Variants in PCSK5 observed in about 807,000 individuals in gnomAD.
PCSK5 encodes the protein prohormone convertase 5.
PCSK5 carries 129 observed loss-of-function variants against 233.2 expected under a neutral mutation model. The ratio of observed to expected loss-of-function variants is 0.55; its 90% confidence interval spans 0.48 to 0.64. The LOEUF (loss-of-function observed/expected upper bound fraction) is 0.64. Among genes scored for constraint, PCSK5 ranks in the 30% least tolerant of loss-of-function variants. The probability of loss-of-function intolerance (pLI) is 0.00; values close to 1 mark genes in which losing one functional copy is unlikely to be tolerated. For synonymous variants in PCSK5, 825 were observed against 879.2 expected (o/e 0.94, Z 1.09); for missense variants, 2,076 against 2,430.1 (o/e 0.85, Z 3.06).
chr9:76,008,415 A>C (rs1024234781), intron 3 of PCSK5, among the ~76,000 whole-genome samples: 1 of 151,200 alleles, frequency 6.6e-6, no homozygotes, highest in Non-Finnish European at 1.5e-5. Context: ...GATTCTTTAG[A>C]TCCTATTCTG....
intron 24 of PCSK5, among the ~76,000 whole-genome samples, chr9:76,249,257 C>T (rs1826721891): frequency 6.6e-6 from 1 of 152,130 alleles, no homozygotes; most frequent in African/African-American, 2.4e-5. Context: ...TCCCCCACAA[C>T]AAAGAAATCC....
chr9:76,188,073 C>T (rs895153689), intron 17 of PCSK5, among the ~76,000 whole-genome samples: 10 of 152,242 alleles, frequency 6.6e-5, no homozygotes, highest in South Asian at 2.1e-4. Flanking sequence ...ATGGCTACTC[C>T]GGAGAATTTG....
intron 1 of PCSK5, among the ~76,000 whole-genome samples, chr9:75,908,909 A>C (rs1023018657): frequency 7.8e-6 from 1 of 127,794 alleles, no homozygotes; most frequent in African/African-American, 3.0e-5. Context: ...CTATCTATCT[A>C]TCTATCTATC....
chr9:76,012,326 C>G (rs1827761961), intron 3 of PCSK5, among the ~76,000 whole-genome samples: 1 of 152,180 alleles, frequency 6.6e-6, no homozygotes, highest in Non-Finnish European at 1.5e-5. Context: ...TGAAAATTCT[C>G]TTAGTGTTCA....
intron 35 of PCSK5, among the ~76,000 whole-genome samples, chr9:76,343,907 G>A (rs1829905655): frequency 1.3e-5 from 2 of 151,184 alleles, no homozygotes; most frequent in Admixed American, 6.6e-5. Context: ...CTGTCCAGTA[G>A]AAATAAAATG....
chr9:76,084,647 A>G (rs1476432160), intron 7 of PCSK5, among the ~76,000 whole-genome samples: 2 of 152,180 alleles, frequency 1.3e-5, no homozygotes, highest in African/African-American at 4.8e-5. Context: ...AAGATTCAAA[A>G]TCATGTAGGG....
intron 3 of PCSK5, among the ~76,000 whole-genome samples, chr9:76,021,824 G>A (rs73650420): frequency 0.021 from 3,205 of 152,178 alleles, 130 homozygotes; most frequent in African/African-American, 0.072. Context: ...AATAAAAGCC[G>A]AGTTGTGGCC....
Position 76,361,891 on chromosome 9 carries a change from C to T in PCSK5, c.*2969C>T, listed in dbSNP as rs549070650. ...TGCTTATACTGTGTTGTTCATCTTC[C>T]TTGTTAATTCTAAAGCTCTGATAGA... On this transcript the variant is annotated 3_prime_UTR_variant, in exon 38 of 38. Coordinates refer to ENST00000674117, the MANE Select transcript of PCSK5 (RefSeq NM_001372043.1). The T allele has an allele frequency of 1.8e-4, 28 of 152,228 alleles. No homozygotes were observed. The highest frequency in any genetic ancestry group is 3.7e-4 in the Non-Finnish European group (25 of 68,014). The allele number at this position is 152,228 out of a possible 1,614,324, so 9.4% of individuals were successfully genotyped here. A position where few individuals can be genotyped will look rare whatever the true frequency, so the allele number is the denominator to read the frequency against.
chr9:76,047,245 C>T (rs1488712378), intron 5 of PCSK5, among the ~76,000 whole-genome samples: 2 of 151,940 alleles, frequency 1.3e-5, no homozygotes, highest in Admixed American at 6.6e-5. Flanking sequence ...TACAGGCGCC[C>T]GCCACCATGC....
intron 2 of PCSK5, among the ~76,000 whole-genome samples, chr9:75,980,759 TTC>T (rs1826239807): frequency 1.0e-5 from 1 of 97,454 alleles, no homozygotes; most frequent in Non-Finnish European, 2.3e-5. Flanking sequence ...TTTTTTTTTT[TTC>T]TCACCAGTTA....
intron 24 of PCSK5, among the ~76,000 whole-genome samples, chr9:76,275,798 T>C (rs1827671650): frequency 6.6e-6 from 1 of 152,160 alleles, no homozygotes; most frequent in Non-Finnish European, 1.5e-5. Context: ...TGAAAAAATA[T>C]TTCTGTGGTA....
intron 20 of PCSK5, among the ~76,000 whole-genome samples, chr9:76,215,842 G>C (rs1825507135): frequency 6.6e-6 from 1 of 152,150 alleles, no homozygotes; most frequent in South Asian, 2.1e-4. Flanking sequence ...CAGAGGCTGA[G>C]GCAGGAGAAT....
At chr9:76,343,838 A>G (rs1284013340) in intron 35 of PCSK5, among the ~76,000 whole-genome samples, 1 of 152,190 alleles carries the variant, frequency 6.6e-6, no homozygotes, top group Non-Finnish European at 1.5e-5. Context: ...AAGACAGCCA[A>G]GGTCCCCGCA....
chr9:76,303,862 C>T (rs934093400), intron 28 of PCSK5, among the ~76,000 whole-genome samples: 11 of 152,194 alleles, frequency 7.2e-5, no homozygotes, highest in Non-Finnish European at 1.6e-4. Flanking sequence ...CAATCATCAG[C>T]TTTAATTAGT....
At chr9:76,318,276 T>C (rs1829088072) in intron 30 of PCSK5, among the ~76,000 whole-genome samples, 1 of 151,646 alleles carries the variant, frequency 6.6e-6, no homozygotes, top group Non-Finnish European at 1.5e-5. Context: ...TGAGAACACA[T>C]GGACACAGGG....
intron 30 of PCSK5, among the ~76,000 whole-genome samples, chr9:76,314,961 C>A (rs1462261116): frequency 6.8e-6 from 1 of 146,024 alleles, no homozygotes; most frequent in African/African-American, 2.5e-5. Flanking sequence ...TTAACAGTAA[C>A]GTATTTTTTT....
intron 5 of PCSK5, among the ~76,000 whole-genome samples, chr9:76,048,468 T>C (rs912626991): frequency 5.9e-5 from 9 of 152,206 alleles, no homozygotes; most frequent in African/African-American, 2.2e-4. Flanking sequence ...CATTAGTTTG[T>C]TCTGGCACTA....
intron 27 of PCSK5, among the ~76,000 whole-genome samples, chr9:76,300,393 T>C (rs1443749358): frequency 6.6e-6 from 1 of 152,164 alleles, no homozygotes; most frequent in Admixed American, 6.6e-5. Context: ...TAATTAACTG[T>C]TTGGCCAGTA....
intron 20 of PCSK5, among the ~76,000 whole-genome samples, chr9:76,215,646 G>A (rs1410919553): frequency 6.6e-5 from 10 of 152,156 alleles, no homozygotes; most frequent in South Asian, 2.1e-4. Context: ...TGGAGGCCAG[G>A]TGTGGTGGCT....
Sources: allele counts gnomAD v4.1 joint callset (sites outside exome capture counted in the v4.1 genomes callset), GRCh38; gene constraint gnomAD v4.1.1; transcripts MANE v1.5; gene names NCBI Gene and HGNC (gene_info 2026-07-23, HGNC 2026-07-21).